The following NCOA6 variants were observed in gnomAD, a reference collection of about 807,000 sequenced individuals.
NCOA6 encodes NRC RAP250.
In NCOA6, 49 loss-of-function variants were observed where a neutral mutation model predicts 171.4. The ratio of observed to expected loss-of-function variants is 0.29; its 90% CI spans 0.23 to 0.36. The LOEUF (loss-of-function observed/expected upper bound fraction) is 0.36. Ranked by LOEUF, NCOA6 falls within the 10% of genes least tolerant of loss-of-function variation. NCOA6 has a pLI of 1.00. For synonymous variants in NCOA6, 910 were observed against 927.5 expected (o/e 0.98, Z 0.34); for missense variants, 2,248 against 2,554.5 (o/e 0.88, Z 2.59).
chr20:34,741,817 A>C lies in NCOA6; in HGVS notation c.4439T>G (p.Val1480Gly). ...TGGTGCTTCCCTCATAGCAGGAGAC[A>C]CCAAATTTTTGTTCTCTTCGACACT... ...LPSVEENKNL[V>G]SPAMREAPTS... The change falls in exon 11 of 15, where the codon GTG becomes GGG. Residue 1480 changes from valine to glycine, a missense_variant. Physicochemically the swap from Val to Gly is moderately radical, Grantham distance 109 (BLOSUM62 -3). This residue lies in a region of NCOA6 where 884 missense variants were observed against 941.9 expected (regional missense o/e 0.94). Transcript: ENST00000359003. The C allele has an allele frequency of 6.2e-7, 1 of 1,614,228 alleles. No homozygotes were observed. The highest frequency in any genetic ancestry group is 8.5e-7 in the Non-Finnish European group (1 of 1,180,042).
intron 1 of NCOA6, among the ~76,000 whole-genome samples, chr20:34,797,567 G>C (rs2078116963): frequency 6.6e-6 from 1 of 151,890 alleles, no homozygotes; most frequent in African/African-American, 2.4e-5. Context: ...GCTACAGGGA[G>C]AGACTCCTTC....
intron 1 of NCOA6, among the ~76,000 whole-genome samples, chr20:34,794,736 GAT>G (rs971626325): frequency 1.3e-5 from 2 of 152,110 alleles, no homozygotes; most frequent in Non-Finnish European, 2.9e-5. Flanking sequence ...TTTAAAAAAT[GAT>G]GTTATACCAG....
At chr20:34,776,728 G>C in intron 3 of NCOA6, 1 of 542,464 alleles carries the variant, frequency 1.8e-6, no homozygotes, top group Middle Eastern at 2.8e-4. Flanking sequence ...GTACAAATTA[G>C]ATAATATATG....
intron 1 of NCOA6, among the ~76,000 whole-genome samples, chr20:34,793,067 G>A (rs2077946751): frequency 6.6e-6 from 1 of 152,058 alleles, no homozygotes; most frequent in Non-Finnish European, 1.5e-5. Flanking sequence ...ACAAGCATGA[G>A]CCACTGCCCC....
At chr20:34,764,147 G>T (rs990280706) in intron 5 of NCOA6, among the ~76,000 whole-genome samples, 16 of 151,200 alleles carry the variant, frequency 1.1e-4, no homozygotes, top group African/African-American at 3.9e-4. Context: ...GAGTGCAGTG[G>T]CGCGATCTCG....
chr20:34,718,094 G>A (rs1299318677), intron 14 of NCOA6, among the ~76,000 whole-genome samples: 2 of 152,092 alleles, frequency 1.3e-5, no homozygotes, highest in African/African-American at 2.4e-5. Flanking sequence ...AATGACTTGT[G>A]CTAGAAACTG....
intron 1 of NCOA6, among the ~76,000 whole-genome samples, chr20:34,801,662 C>T (rs2078258933): frequency 6.6e-6 from 1 of 152,048 alleles, no homozygotes; most frequent in Non-Finnish European, 1.5e-5. Flanking sequence ...CTGAACAGAC[C>T]AGTAACAAGT....
At chr20:34,797,793 CAGA>C (rs1288699834) in intron 1 of NCOA6, among the ~76,000 whole-genome samples, 2 of 152,012 alleles carry the variant, frequency 1.3e-5, no homozygotes, top group South Asian at 2.1e-4. Context: ...GAGGCTGAGA[CAGA>C]AGAACTGCTT....
chr20:34,825,575 C>A lies in NCOA6; in HGVS notation c.-267G>T. On this transcript the variant is annotated 5_prime_UTR_variant, in exon 1 of 15. Coordinates refer to ENST00000359003, the MANE Select transcript of NCOA6 (RefSeq NM_014071.5). ...CCGTCCGTCAGTCCTCGCGTGCGCC[C>A]GTCTGTCCCGCCGCCCGCGCCCGGC... The A allele has an allele frequency of 6.6e-6, 1 of 150,918 alleles. No homozygotes were observed. Among genetic ancestry groups the A allele is most frequent in the South Asian group, 2.1e-4 (1 of 4,858 alleles). The allele number at this position is 150,918 out of a possible 1,614,324, so 9.3% of individuals were successfully genotyped here.
At chr20:34,812,609 CTCAG>C (rs2078703686) in intron 1 of NCOA6, among the ~76,000 whole-genome samples, 1 of 152,034 alleles carries the variant, frequency 6.6e-6, no homozygotes, top group African/African-American at 2.4e-5. Flanking sequence ...AAGTCAGAGG[CTCAG>C]TGAGATTTTT....
At chr20:34,768,667 T>C (rs1362200651) in intron 4 of NCOA6, 81 bp from the exon 5 acceptor site, 25 of 1,486,138 alleles carry the variant, frequency 1.7e-5, no homozygotes, top group Middle Eastern at 1.8e-4. Context: ...ATAAGTGCTT[T>C]AGTTTTCTGT....
At position 34,731,134 on chromosome 20, in the gene NCOA6, C is replaced by T. The variant is rs531118785; in HGVS notation, c.5999+1425G>A. 6.6e-5 allele frequency among the ~76,000 whole-genome samples: 10 copies of T among 152,344 alleles called. No individual in the cohort carries two copies. The East Asian group carries it at 1.9e-3, about 29-fold the overall frequency. On this transcript the variant is annotated intron_variant, in intron 13 of 14. Transcript: ENST00000359003. ...TCCCAGGTTTAAGTGACTCTCCTGC[C>T]TCAGCCTCCCAAGTAGCTGGGATTA... is the stretch of plus-strand genomic sequence containing the variant.
In NCOA6 at chr20:34,741,885, C is replaced by T. The variant is rs774750847; in HGVS notation, c.4371G>A (p.Gln1457=). The change falls in exon 11 of 15, where the codon CAG becomes CAA. Residue 1457 remains glutamine, a synonymous_variant. Transcript: ENST00000359003. The part of the protein sequence containing the change: ...QEVKMVVPED[Q]SKKDGQPSDP... The stretch of plus-strand genomic sequence containing the variant: ...CCGAAGGCTGCCCATCCTTTTTGGA[C>T]TGATCTTCAGGGACAACCATTTTAA... 1.9e-6 allele frequency: 3 copies of T among 1,614,222 alleles called. No individual in the cohort carries two copies. Among genetic ancestry groups the T allele is most frequent in the East Asian group, 4.5e-5 (2 of 44,882 alleles).
At chr20:34,735,917 T>C (rs544125513) in intron 12 of NCOA6, among the ~76,000 whole-genome samples, 1 of 152,280 alleles carries the variant, frequency 6.6e-6, no homozygotes, top group East Asian at 1.9e-4. Context: ...AATGAGATTC[T>C]TACCTCTGTG....
chr20:34,745,135 A>G (rs752305258), intron 10 of NCOA6, among the ~76,000 whole-genome samples: 3 of 152,224 alleles, frequency 2.0e-5, no homozygotes, highest in Non-Finnish European at 2.9e-5. Context: ...GCAAACTCCT[A>G]TGCCTTTAGG....
chr20:34,734,416 A>G (rs1383214048), intron 12 of NCOA6, among the ~76,000 whole-genome samples: 11 of 151,836 alleles, frequency 7.2e-5, no homozygotes, highest in Admixed American at 5.9e-4. Flanking sequence ...CTGGAGTGCA[A>G]TGGGATCACA....
At chr20:34,725,852 A>G (rs187508587) in intron 14 of NCOA6, among the ~76,000 whole-genome samples, 17 of 152,314 alleles carry the variant, frequency 1.1e-4, no homozygotes, top group Admixed American at 3.9e-4. Context: ...AGGTTCCAGT[A>G]AGGATGTGCA....
intron 7 of NCOA6, among the ~76,000 whole-genome samples, chr20:34,755,774 T>C (rs989898375): frequency 6.6e-6 from 1 of 152,188 alleles, no homozygotes; most frequent in African/African-American, 2.4e-5. Flanking sequence ...CTCGCTCTGT[T>C]GCCCAGGCTG....
chr20:34,759,060 T>C (rs551248808), intron 5 of NCOA6, 127 bp from the exon 6 acceptor site: 3 of 1,008,644 alleles, frequency 3.0e-6, no homozygotes, highest in African/African-American at 1.6e-5. Context: ...TCTCGCTCTG[T>C]TGCCCAGTCT....
Sources: allele counts gnomAD v4.1 joint callset (sites outside exome capture counted in the v4.1 genomes callset), GRCh38; gene constraint gnomAD v4.1.1; regional missense constraint gnomAD v4.1.1; transcripts MANE v1.5; gene names NCBI Gene and HGNC (gene_info 2026-07-23, HGNC 2026-07-21).